The following FTCDNL1 variants were observed in gnomAD, a reference collection of about 807,000 sequenced individuals.
FTCDNL1 encodes formiminotransferase cyclodeaminase N-terminal like.
In FTCDNL1, 11 loss-of-function variants were observed where a neutral mutation model predicts 5.9. The ratio of observed to expected loss-of-function variants is 1.87; its 90% CI spans 1.18 to 3.10. The LOEUF (loss-of-function observed/expected upper bound fraction) is 3.10, where lower values mean the gene tolerates loss of function less well. FTCDNL1 is among the 30% of genes most tolerant of loss of function. The pLI is 0.00. For missense variants in FTCDNL1, 115 were observed against 65.5 expected (o/e 1.76, Z -2.61); for synonymous variants, 58 against 24.8 (o/e 2.34, Z -3.99).
intron 3 of FTCDNL1, among the ~76,000 whole-genome samples, chr2:199,778,498 G>A (rs1394246953): frequency 6.6e-6 from 1 of 152,110 alleles, no homozygotes; most frequent in African/African-American, 2.4e-5. Flanking sequence ...GGGCACCTGC[G>A]AGCACTTTCG....
chr2:199,706,071 C>G, the FTCDNL1 span, among the ~76,000 whole-genome samples: 2 of 152,148 alleles, frequency 1.3e-5, no homozygotes, highest in Non-Finnish European at 2.9e-5. Flanking sequence ...TGTCCTGTCC[C>G]CATTTTATAA....
chr2:199,706,474 C>T, the FTCDNL1 span, among the ~76,000 whole-genome samples: 5 of 152,314 alleles, frequency 3.3e-5, no homozygotes, highest in Non-Finnish European at 5.9e-5. Context: ...ATAGTAAAAA[C>T]TGCTTAATGC....
exon 4 of FTCDNL1, chr2:199,760,593 TA>T: frequency 2.0e-6 from 1 of 507,872 alleles, no homozygotes. Flanking sequence ...AATGAATTTT[TA>T]AAAGATACAT....
the FTCDNL1 span, among the ~76,000 whole-genome samples, chr2:199,675,754 C>G: frequency 1.3e-5 from 2 of 152,094 alleles, no homozygotes; most frequent in Non-Finnish European, 2.9e-5. Context: ...ATGGCATACC[C>G]ACCCCCAACC....
At chr2:199,805,597 G>A (rs1172087612), downstream of FTCDNL1, among the ~76,000 whole-genome samples, 3 of 152,048 alleles carry the variant, frequency 2.0e-5, no homozygotes, top group Admixed American at 6.5e-5. Flanking sequence ...AAATTAGCTG[G>A]GTGTGGCAGC....
the FTCDNL1 span, among the ~76,000 whole-genome samples, chr2:199,669,721 A>T: frequency 6.6e-6 from 1 of 152,212 alleles, no homozygotes; most frequent in Non-Finnish European, 1.5e-5. Flanking sequence ...AAAGCCAGTA[A>T]AATAATACAC....
At chr2:199,747,026 AACACACACACACACACACACAC>A in the FTCDNL1 span, among the ~76,000 whole-genome samples, 3 of 145,824 alleles carry the variant, frequency 2.1e-5, no homozygotes, top group Admixed American at 2.1e-4. Flanking sequence ...GTTTATTTAA[AACACACACACACACACACACAC>A]ACACACACAC....
At chr2:199,735,873 A>G in the FTCDNL1 span, among the ~76,000 whole-genome samples, 4 of 150,894 alleles carry the variant, frequency 2.7e-5, no homozygotes, top group South Asian at 8.9e-4. Context: ...CAGAGCCAGA[A>G]TAACTACCAT....
intron 3 of FTCDNL1, among the ~76,000 whole-genome samples, chr2:199,801,475 C>T (rs1559199330): frequency 6.6e-6 from 1 of 151,792 alleles, no homozygotes; most frequent in Admixed American, 6.6e-5. Flanking sequence ...GGTGAGACTC[C>T]GTCTCTATCA....
intron 3 of FTCDNL1, among the ~76,000 whole-genome samples, chr2:199,803,172 T>G (rs1700546299): frequency 8.1e-6 from 1 of 123,344 alleles, no homozygotes; most frequent in Non-Finnish European, 1.6e-5. Context: ...CCAGCCTGGG[T>G]GATGGAGGAA....
the FTCDNL1 span, among the ~76,000 whole-genome samples, chr2:199,739,672 GC>G: frequency 6.6e-6 from 1 of 152,150 alleles, no homozygotes; most frequent in Non-Finnish European, 1.5e-5. Flanking sequence ...ACCCAGTTTA[GC>G]AGCTATGATA....
rs1357214852 is a variant in FTCDNL1 at position 199,812,237 on chromosome 2, A to C, written c.*468T>G. Among the ~76,000 whole-genome samples, 2 of 152,154 alleles carry C rather than the reference A, an allele frequency of 1.3e-5. No homozygotes were observed. The highest frequency in any genetic ancestry group is 2.9e-5 in the Non-Finnish European group (2 of 68,026). ...AGTAGTTTCCTCTCCAAGGTGGGGA[A>C]ACTTCTCTCCCTTGGAAGGTGAAAG... On this transcript the variant is annotated 3_prime_UTR_variant, in exon 5 of 5. Transcript: ENST00000420128.
chr2:199,793,367 G>A (rs1700022131), intron 3 of FTCDNL1, among the ~76,000 whole-genome samples: 1 of 151,992 alleles, frequency 6.6e-6, no homozygotes. Flanking sequence ...AGACGGAGGA[G>A]GGGGGGCATT....
At chr2:199,789,896 G>C in intron 3 of FTCDNL1, among the ~76,000 whole-genome samples, 1 of 152,014 alleles carries the variant, frequency 6.6e-6, no homozygotes, top group South Asian at 2.1e-4. Flanking sequence ...TTCCAAGAAA[G>C]ATACAGGACC....
chr2:199,717,950 A>G, the FTCDNL1 span, among the ~76,000 whole-genome samples: 1 of 150,414 alleles, frequency 6.6e-6, no homozygotes, highest in East Asian at 2.0e-4. Context: ...CAATGCCATC[A>G]TCTCTGGATT....
At chr2:199,804,317 G>A (rs530919260), downstream of FTCDNL1, among the ~76,000 whole-genome samples, 15 of 152,280 alleles carry the variant, frequency 9.9e-5, no homozygotes, top group Admixed American at 5.2e-4. Flanking sequence ...TGGGAAAGGC[G>A]TTTGGCTGGG....
the FTCDNL1 span, among the ~76,000 whole-genome samples, chr2:199,703,672 T>C: frequency 1.3e-5 from 2 of 152,158 alleles, no homozygotes; most frequent in African/African-American, 2.4e-5. Context: ...GCTCATTACC[T>C]GGGTGGCAAA....
chr2:199,833,189 C>A (rs892496245), intron 3 of FTCDNL1, among the ~76,000 whole-genome samples: 1 of 152,138 alleles, frequency 6.6e-6, no homozygotes, highest in Non-Finnish European at 1.5e-5. Flanking sequence ...CCAAGCTGGT[C>A]TGGAACTCCT....
At chr2:199,752,177 C>T in the FTCDNL1 span, among the ~76,000 whole-genome samples, 1 of 152,104 alleles carries the variant, frequency 6.6e-6, no homozygotes, top group African/African-American at 2.4e-5. Context: ...AAGGATGCCT[C>T]GACTTCCAGG....
Sources: allele counts gnomAD v4.1 joint callset (sites outside exome capture counted in the v4.1 genomes callset), GRCh38; gene constraint gnomAD v4.1.1; transcripts MANE v1.5; gene names NCBI Gene and HGNC (gene_info 2026-07-23, HGNC 2026-07-21).